Variants in TSHZ2 observed in about 807,000 individuals in gnomAD.
TSHZ2 encodes teashirt homolog 2.
Under a neutral mutation model 74.4 loss-of-function variants are expected in TSHZ2, and 21 were observed. The observed-to-expected ratio is 0.28, with a 90% CI of 0.20 to 0.41. The LOEUF (loss-of-function observed/expected upper bound fraction) is 0.41. TSHZ2 is among the 10% of genes least tolerant of loss of function. The probability of loss-of-function intolerance (pLI) is 1.00; values close to 1 mark genes in which losing one functional copy is unlikely to be tolerated. For synonymous variants in TSHZ2, 540 were observed against 515.3 expected, an observed-to-expected ratio of 1.05 and a Z score of -0.65; for missense variants, 1,244 against 1,293.5, an observed-to-expected ratio of 0.96 and a Z score of 0.59.
chr20:53,007,734 A>T (rs542467761), intron 1 of TSHZ2, among the ~76,000 whole-genome samples: 1 of 127,354 alleles, frequency 7.9e-6, no homozygotes, highest in East Asian at 2.0e-4. Flanking sequence ...GTGTATGTAT[A>T]TTCGTGTGTG....
chr20:53,136,108 A>G (rs746872870), intron 1 of TSHZ2, among the ~76,000 whole-genome samples: 1 of 152,192 alleles, frequency 6.6e-6, no homozygotes. Flanking sequence ...CAGAGTCCCA[A>G]GGTAGCATAG....
intron 1 of TSHZ2, among the ~76,000 whole-genome samples, chr20:53,014,623 C>T (rs752440995): frequency 6.6e-6 from 1 of 152,088 alleles, no homozygotes. Flanking sequence ...CCATTTTCTC[C>T]TCCTTCAAGA....
At chr20:53,373,370 A>C (rs1981546214) in intron 2 of TSHZ2, among the ~76,000 whole-genome samples, 1 of 152,192 alleles carries the variant, frequency 6.6e-6, no homozygotes, top group South Asian at 2.1e-4. Flanking sequence ...AGATGTTATT[A>C]TGAGGCCATC....
At chr20:53,234,991 A>G (rs1358188768) in intron 1 of TSHZ2, among the ~76,000 whole-genome samples, 1 of 152,046 alleles carries the variant, frequency 6.6e-6, no homozygotes, top group Non-Finnish European at 1.5e-5. Flanking sequence ...GGAGGAGTCA[A>G]GGTGGCATGA....
intron 1 of TSHZ2, among the ~76,000 whole-genome samples, chr20:53,111,074 G>A (rs1393646627): frequency 6.6e-6 from 1 of 152,112 alleles, no homozygotes; most frequent in Non-Finnish European, 1.5e-5. Context: ...AAAATGAGGA[G>A]CCCAGGCAGG....
chr20:53,455,528 A>C lies in TSHZ2; in HGVS notation c.*9-31616A>C, dbSNP rs1299718634. On this transcript the variant is annotated intron_variant, in intron 2 of 2. Coordinates refer to ENST00000371497, the MANE Select transcript of TSHZ2 (RefSeq NM_173485.6). ...GGGCATTATTATTTCATAAATGTAT[A>C]CTAATAATTTTAGTAGCAGTTGAAT... is the stretch of plus-strand genomic sequence containing the variant. 3.3e-5 allele frequency: 5 copies of C among 152,126 alleles called. No homozygotes were observed. The East Asian group carries it at 5.8e-4, about 18-fold the overall frequency. The allele number at this position is 152,126 out of a possible 1,614,324, so 9.4% of individuals were successfully genotyped here. A position where few individuals can be genotyped will look rare whatever the true frequency, so the allele number is the denominator to read the frequency against.
chr20:53,314,727 T>C (rs1978930703), intron 2 of TSHZ2, among the ~76,000 whole-genome samples: 1 of 151,854 alleles, frequency 6.6e-6, no homozygotes, highest in Non-Finnish European at 1.5e-5. Context: ...GTTCAAGTTA[T>C]TCTCCTGCCT....
intron 1 of TSHZ2, among the ~76,000 whole-genome samples, chr20:52,978,779 T>G (rs759503613): frequency 1.3e-5 from 2 of 152,196 alleles, no homozygotes; most frequent in African/African-American, 4.8e-5. Flanking sequence ...CGCTTTTATA[T>G]TTTTATTTCT....
intron 1 of TSHZ2, among the ~76,000 whole-genome samples, chr20:52,984,828 G>C (rs565937529): frequency 1.3e-5 from 2 of 152,318 alleles, no homozygotes; most frequent in South Asian, 4.1e-4. Flanking sequence ...GGTCCGGGGA[G>C]AGACCACAAG....
chr20:53,270,908 T>C (rs954148614), intron 2 of TSHZ2, among the ~76,000 whole-genome samples: 1 of 152,218 alleles, frequency 6.6e-6, no homozygotes, highest in African/African-American at 2.4e-5. Flanking sequence ...TAATTGTTTA[T>C]GACTACCCCC....
At chr20:52,977,765 T>C (rs1393649383) in intron 1 of TSHZ2, among the ~76,000 whole-genome samples, 1 of 152,182 alleles carries the variant, frequency 6.6e-6, no homozygotes, top group Non-Finnish European at 1.5e-5. Context: ...CAGGACACAA[T>C]ACGTTAACCC....
At chr20:53,445,293 G>T (rs1048695825) in intron 2 of TSHZ2, among the ~76,000 whole-genome samples, 1 of 152,074 alleles carries the variant, frequency 6.6e-6, no homozygotes, top group Admixed American at 6.5e-5. Context: ...CAACAGTTAC[G>T]GTAAATATAA....
intron 2 of TSHZ2, among the ~76,000 whole-genome samples, chr20:53,375,710 A>C (rs892881318): frequency 6.6e-6 from 1 of 152,176 alleles, no homozygotes; most frequent in Non-Finnish European, 1.5e-5. Flanking sequence ...CTATAAGCCC[A>C]TTTTAAATTG....
chr20:53,474,123 C>G (rs1419366869), intron 2 of TSHZ2, among the ~76,000 whole-genome samples: 1 of 149,914 alleles, frequency 6.7e-6, no homozygotes, highest in African/African-American at 2.5e-5. Context: ...TCTAGCAAGG[C>G]AGGCCAACGT....
chr20:53,432,457 A>G (rs376613467), intron 2 of TSHZ2, among the ~76,000 whole-genome samples: 2 of 152,198 alleles, frequency 1.3e-5, no homozygotes, highest in South Asian at 4.1e-4. Flanking sequence ...GCCTTTTGAT[A>G]TAACAATTTA....
intron 2 of TSHZ2, among the ~76,000 whole-genome samples, chr20:53,288,645 G>A (rs1245072474): frequency 6.6e-6 from 1 of 152,054 alleles, no homozygotes; most frequent in East Asian, 1.9e-4. Context: ...GGAAGCTTAG[G>A]ACTGAACAGA....
chr20:52,972,848 C>T lies in TSHZ2; in HGVS notation c.-446C>T. The stretch of plus-strand genomic sequence containing the variant: ...TGCCTTTTTTTTTTCCTTATCTTTA[C>T]GCGCGAGTGTGCCTGTGGCGCGTGT... On this transcript the variant is annotated 5_prime_UTR_variant, in exon 1 of 3. The change creates a new upstream start codon in the 5' untranslated region. Transcript: ENST00000371497. 1 of 200,634 alleles carries T rather than the reference C, an allele frequency of 5.0e-6. No homozygotes were observed. 12.4% of individuals were successfully genotyped at this position (200,634 alleles called of 1,614,324 possible).
chr20:53,423,019 T>C (rs1299005810), intron 2 of TSHZ2, among the ~76,000 whole-genome samples: 2 of 152,060 alleles, frequency 1.3e-5, no homozygotes, highest in African/African-American at 4.8e-5. Context: ...ATCTACAAAG[T>C]TGCAGTAATT....
At chr20:53,159,708 T>C (rs1176184816) in intron 1 of TSHZ2, among the ~76,000 whole-genome samples, 1 of 152,214 alleles carries the variant, frequency 6.6e-6, no homozygotes, top group East Asian at 1.9e-4. Context: ...TTTTCTATTG[T>C]TCAAAATAGG....
Sources: gnomAD v4.1 joint callset for allele counts (sites outside exome capture counted in the v4.1 genomes callset) on GRCh38, gnomAD v4.1.1 for gene constraint, MANE v1.5 for transcripts, NCBI Gene and HGNC (gene_info 2026-07-23, HGNC 2026-07-21) for gene names.